Variants in MGAT4C observed in about 807,000 individuals in gnomAD.
The protein encoded by MGAT4C is alpha-1,3-mannosyl-glycoprotein 4-beta-N-acetylglucosaminyltransferase C.
A neutral mutation model predicts 40.1 loss-of-function variants in MGAT4C; 19 were observed. The ratio of observed to expected loss-of-function variants is 0.47; its 90% CI spans 0.33 to 0.70. The LOEUF (loss-of-function observed/expected upper bound fraction) is 0.70, where lower values mean the gene tolerates loss of function less well. Among genes scored for constraint, MGAT4C ranks in the 30% least tolerant of loss-of-function variants. The pLI, the probability that MGAT4C is intolerant of heterozygous loss-of-function variation, is 0.02. For missense variants in MGAT4C, 491 were observed against 563.2 expected (o/e 0.87, Z 1.30); for synonymous variants, 181 against 187.1 (o/e 0.97, Z 0.27).
At chr12:86,623,008 G>T (rs1026012616) in intron 2 of MGAT4C, among the ~76,000 whole-genome samples, 1 of 152,164 alleles carries the variant, frequency 6.6e-6, no homozygotes, top group African/African-American at 2.4e-5. Flanking sequence ...CTTTTGATAG[G>T]ATTAACAACA....
intron 4 of MGAT4C, among the ~76,000 whole-genome samples, chr12:86,316,634 C>A (rs1394046148): frequency 3.3e-5 from 5 of 151,856 alleles, no homozygotes; most frequent in Non-Finnish European, 7.4e-5. Context: ...AACAAAAAAA[C>A]AAGTTATAAG....
At chr12:86,266,557 T>C (rs548149931) in intron 4 of MGAT4C, among the ~76,000 whole-genome samples, 45 of 152,274 alleles carry the variant, frequency 3.0e-4, no homozygotes, top group African/African-American at 1.1e-3. Context: ...TGCTGAAAAT[T>C]TTGTGTCTAT....
At chr12:86,186,737 G>A (rs1376348685) in intron 1 of MGAT4C, among the ~76,000 whole-genome samples, 1 of 152,086 alleles carries the variant, frequency 6.6e-6, no homozygotes, top group Non-Finnish European at 1.5e-5. Flanking sequence ...TGCACAATCT[G>A]TAGTTTCAAG....
intron 3 of MGAT4C, among the ~76,000 whole-genome samples, chr12:86,418,144 T>C (rs1037490337): frequency 1.3e-5 from 2 of 152,334 alleles, no homozygotes; most frequent in African/African-American, 2.4e-5. Context: ...AGAAGGGCTA[T>C]TGATAAAATA....
At chr12:86,478,314 T>A (rs1957876781) in intron 2 of MGAT4C, among the ~76,000 whole-genome samples, 1 of 152,170 alleles carries the variant, frequency 6.6e-6, no homozygotes, top group South Asian at 2.1e-4. Flanking sequence ...CTGAAAAGTA[T>A]TTTCCTTTTT....
chr12:86,218,676 T>A (rs1477607412), intron 1 of MGAT4C, among the ~76,000 whole-genome samples: 1 of 152,128 alleles, frequency 6.6e-6, no homozygotes, highest in East Asian at 1.9e-4. Flanking sequence ...GTTTTCATGC[T>A]AACCCAATTT....
intron 2 of MGAT4C, among the ~76,000 whole-genome samples, chr12:86,557,847 A>G (rs188817167): frequency 6.6e-6 from 1 of 152,202 alleles, no homozygotes; most frequent in Non-Finnish European, 1.5e-5. Flanking sequence ...CCAAAGAAAC[A>G]TAATAGTGCT....
intron 1 of MGAT4C, among the ~76,000 whole-genome samples, chr12:86,193,016 ATATT>A (rs1160537823): frequency 2.6e-5 from 4 of 151,996 alleles, no homozygotes; most frequent in East Asian, 3.9e-4. Flanking sequence ...ACTTTTGTAT[ATATT>A]TATTTTCAGT....
upstream of MGAT4C, among the ~76,000 whole-genome samples, chr12:86,258,020 ATAAT>A (rs1303490970): frequency 2.3e-4 from 1 of 4,346 alleles, no homozygotes; most frequent in Non-Finnish European, 5.1e-4. Context: ...TAAATATAAG[ATAAT>A]TAATATTATC....
At position 85,965,056 on chromosome 12, in the gene MGAT4C, T is replaced by C. The variant is rs1040162291; in HGVS notation, c.*14233A>G. On this transcript the variant is annotated 3_prime_UTR_variant, in exon 5 of 5. Transcript: ENST00000611864. Reference sequence around the variant, plus strand: ...GCACCTAAGATTAAAACTCATAGAATGTGCTTTAACTTCTGTAGGCACATT... The same window carrying C: ...GCACCTAAGATTAAAACTCATAGAACGTGCTTTAACTTCTGTAGGCACATT... 6.6e-6 allele frequency: 1 copy of C among 152,208 alleles called. No individual in the cohort carries two copies. Among genetic ancestry groups the C allele is most frequent in the South Asian group, 2.1e-4 (1 of 4,832 alleles). 9.4% of individuals were successfully genotyped at this position (152,208 alleles called of 1,614,324 possible).
chr12:86,179,913 C>G (rs1352843813), intron 1 of MGAT4C, among the ~76,000 whole-genome samples: 1 of 152,194 alleles, frequency 6.6e-6, no homozygotes, highest in African/African-American at 2.4e-5. Flanking sequence ...GCATAAGTAG[C>G]AAAGATACTA....
At chr12:86,032,361 C>A (rs950807446) in intron 2 of MGAT4C, among the ~76,000 whole-genome samples, 2 of 133,586 alleles carry the variant, frequency 1.5e-5, no homozygotes, top group African/African-American at 5.0e-5. Context: ...AGTGGCTGAA[C>A]TAATTTACAT....
chr12:86,012,923 C>T (rs534163682), intron 2 of MGAT4C, among the ~76,000 whole-genome samples: 3 of 151,054 alleles, frequency 2.0e-5, no homozygotes, highest in South Asian at 2.1e-4. Context: ...CAGGTGTTTG[C>T]GACCAGGGTG....
At chr12:86,559,387 A>G (rs953115016) in intron 2 of MGAT4C, among the ~76,000 whole-genome samples, 5 of 152,010 alleles carry the variant, frequency 3.3e-5, no homozygotes, top group African/African-American at 1.2e-4. Flanking sequence ...CACACGGAAC[A>G]TTCTCTAGGA....
intron 2 of MGAT4C, among the ~76,000 whole-genome samples, chr12:86,702,158 T>C (rs1950374163): frequency 6.6e-6 from 1 of 151,528 alleles, no homozygotes; most frequent in African/African-American, 2.4e-5. Context: ...GTCACTCAAG[T>C]AGCTAGCTGA....
intron 4 of MGAT4C, among the ~76,000 whole-genome samples, chr12:86,304,427 T>A (rs1385598177): frequency 6.6e-6 from 1 of 150,610 alleles, no homozygotes; most frequent in African/African-American, 2.5e-5. Flanking sequence ...ATTAAGAGAA[T>A]AAGAAAAAAT....
At chr12:86,711,021 C>T (rs1950546870) in intron 2 of MGAT4C, among the ~76,000 whole-genome samples, 2 of 151,724 alleles carry the variant, frequency 1.3e-5, no homozygotes, top group African/African-American at 2.4e-5. Flanking sequence ...TAATGGACTT[C>T]GAGGACTTAG....
chr12:86,336,780 G>C (rs1954800393), intron 3 of MGAT4C, among the ~76,000 whole-genome samples: 1 of 152,070 alleles, frequency 6.6e-6, no homozygotes, highest in Non-Finnish European at 1.5e-5. Context: ...TGAAATGGGA[G>C]GGGTGTCAGG....
In MGAT4C at chr12:86,469,524, G is replaced by A. The variant is rs759232563; in HGVS notation, c.-228-34259C>T. ...TGGCCCACAGGTCATCAGCAACTGA[G>A]GCCTCAGTACAGCCAGCAAGGAAGT... On this transcript the variant is annotated intron_variant, in intron 2 of 7. Coordinates refer to the MGAT4C transcript ENST00000548651. Among the ~76,000 whole-genome samples, 12 of 152,242 alleles carry A rather than the reference G, an allele frequency of 7.9e-5. No individual in the cohort carries two copies. The South Asian group carries it at 8.3e-4, about 11-fold the overall frequency.
Sources: gnomAD v4.1 joint callset for allele counts (sites outside exome capture counted in the v4.1 genomes callset) on GRCh38, gnomAD v4.1.1 for gene constraint, MANE v1.5 for transcripts, NCBI Gene and HGNC (gene_info 2026-07-23, HGNC 2026-07-21) for gene names.